Variants in ORC3 observed in about 807,000 individuals in gnomAD.
ORC3 encodes the protein origin recognition complex subunit 3.
In ORC3, 78 loss-of-function variants were observed where a neutral mutation model predicts 100.7. The observed-to-expected ratio is 0.77, with a 90% CI of 0.65 to 0.94. The LOEUF (loss-of-function observed/expected upper bound fraction) is 0.94. Among genes scored for constraint, ORC3 ranks in the 40% least tolerant of loss-of-function variants. The pLI is 0.00. For synonymous variants in ORC3, 295 were observed against 289.3 expected, an observed-to-expected ratio of 1.02 and a Z score of -0.20; for missense variants, 789 against 823.9, an observed-to-expected ratio of 0.96 and a Z score of 0.52.
the ORC3 span, chr6:87,677,758 G>A: frequency 2.2e-5 from 34 of 1,548,346 alleles, no homozygotes; most frequent in East Asian, 2.3e-4. Flanking sequence ...TAAAGTACAC[G>A]TGGAAAATGC....
Position 87,610,804 on chromosome 6 carries a change from C to T in ORC3, c.714-1285C>T, listed in dbSNP as rs569136380. ...TCCTGACCTCATGATCCACCCGCCT[C>T]GGCCTCCCAAAGTGCTGGGATTACA... On this transcript the variant is annotated intron_variant, in intron 7 of 19. Transcript: ENST00000392844. Among the ~76,000 whole-genome samples the T allele has an allele frequency of 2.8e-5, 4 of 141,478 alleles. 1 individual carries two copies. Among genetic ancestry groups the T allele is most frequent in the East Asian group, 2.0e-4 (1 of 5,086 alleles). 92.8% of individuals were successfully genotyped at this position (141,478 alleles called of 152,430 possible). A position where few individuals can be genotyped will look rare whatever the true frequency, so the allele number is the denominator to read the frequency against.
At chr6:87,603,645 A>G (rs1480649130) in intron 4 of ORC3, 117 bp downstream of exon 4, 8 of 534,652 alleles carry the variant, frequency 1.5e-5, no homozygotes, top group Middle Eastern at 3.2e-4. Flanking sequence ...TGTCTCTCTT[A>G]TTTGTACAAT....
At chr6:87,636,635 T>C (rs1241303870) in intron 13 of ORC3, 149 bp downstream of exon 13, 2 of 617,772 alleles carry the variant, frequency 3.2e-6, no homozygotes, top group Non-Finnish European at 5.8e-6. Context: ...AATTTATCCA[T>C]GTAGCTTATG....
intron 14 of ORC3, among the ~76,000 whole-genome samples, chr6:87,654,914 T>G (rs1057276124): frequency 1.2e-4 from 18 of 152,202 alleles, no homozygotes; most frequent in African/African-American, 4.3e-4. Flanking sequence ...GAATGCAGCT[T>G]TTGAAATGGG....
intron 14 of ORC3, among the ~76,000 whole-genome samples, chr6:87,655,576 C>T (rs1769616988): frequency 1.3e-5 from 2 of 151,916 alleles, no homozygotes; most frequent in Admixed American, 1.3e-4. Flanking sequence ...TGGTCTCGAA[C>T]TCTTGGGTTC....
chr6:87,664,485 A>G (rs1242599018), intron 17 of ORC3, among the ~76,000 whole-genome samples: 1 of 152,214 alleles, frequency 6.6e-6, no homozygotes, highest in Non-Finnish European at 1.5e-5. Flanking sequence ...TTAGTAATTT[A>G]TGGATTGAAA....
intron 16 of ORC3, among the ~76,000 whole-genome samples, chr6:87,659,042 A>G (rs944644356): frequency 7.2e-6 from 1 of 138,484 alleles, no homozygotes; most frequent in Non-Finnish European, 1.6e-5. Flanking sequence ...AGAACCTGTT[A>G]TCATTGTTTA....
chr6:87,674,550 A>T, the ORC3 span, among the ~76,000 whole-genome samples: 1 of 150,534 alleles, frequency 6.6e-6, no homozygotes, highest in African/African-American at 2.5e-5. Context: ...GATCCTACTG[A>T]TATCTGAGGT....
At chr6:87,628,219 T>C (rs1780065207) in intron 11 of ORC3, among the ~76,000 whole-genome samples, 1 of 152,222 alleles carries the variant, frequency 6.6e-6, no homozygotes. Context: ...AGCTAATGCA[T>C]GCGGGGCTTA....
At chr6:87,676,343 G>A in the ORC3 span, among the ~76,000 whole-genome samples, 1 of 145,598 alleles carries the variant, frequency 6.9e-6, no homozygotes, top group African/African-American at 2.6e-5. Context: ...CAGGCCGCCT[G>A]TAGTCCCAAC....
Position 87,664,808 on chromosome 6 carries a change from C to A in ORC3, c.1899C>A (p.Tyr633Ter). 6 of 1,614,118 alleles carry A rather than the reference C, an allele frequency of 3.7e-6. No individual in the cohort carries two copies. The highest frequency in any genetic ancestry group is 5.1e-6 in the Non-Finnish European group (6 of 1,179,976). The stretch of plus-strand genomic sequence containing the variant: ...TCGCCCCAGACATCTGCATAGCATA[C>A]AAACTGCACCTAGAGTGTAGCAGGC... ...PNIAPDICIA[Y>*]KLHLECSRLI... Residue 633 changes from tyrosine to a stop codon, truncating the protein, a stop_gained, in exon 18 of 20, where the codon TAC (tyrosine) becomes TAA (stop). Coordinates refer to ENST00000392844, the MANE Select transcript of ORC3 (RefSeq NM_012381.4). LOFTEE classifies it high-confidence loss of function.
At chr6:87,628,145 T>C (rs1780058890) in intron 11 of ORC3, among the ~76,000 whole-genome samples, 1 of 152,194 alleles carries the variant, frequency 6.6e-6, no homozygotes. Flanking sequence ...CACCACATGT[T>C]CTCATTTGTG....
At chr6:87,596,325 G>A (rs1016529060) in intron 2 of ORC3, among the ~76,000 whole-genome samples, 6 of 151,778 alleles carry the variant, frequency 4.0e-5, no homozygotes, top group African/African-American at 1.5e-4. Flanking sequence ...AGTAGAGATC[G>A]GGTTTCACTA....
rs761348781 is a variant in ORC3 at position 87,603,453 on chromosome 6, G to A, written c.247G>A (p.Gly83Arg). The A allele has an allele frequency of 2.5e-5, 39 of 1,532,948 alleles. No homozygotes were observed. The highest frequency in any genetic ancestry group is 1.7e-4 in the Middle Eastern group (1 of 5,724). 95.0% of individuals were successfully genotyped at this position (1,532,948 alleles called of 1,614,324 possible). ...TGAATTTCTGCAAAAATCACATTCT[G>A]GATTCCAGAAGAATTCAAGAGACTT... ...LIEFLQKSHS[G>R]FQKNSRDLGG... is the part of the protein sequence containing the mutation. Residue 83 changes from glycine to arginine, a missense_variant, in exon 4 of 20, where the codon GGA (glycine) becomes AGA (arginine). Physicochemically the swap from Gly to Arg is moderately radical, Grantham distance 125 (BLOSUM62 -2). Transcript: ENST00000392844.
At chr6:87,594,080 G>T (rs1470937713) in intron 1 of ORC3, among the ~76,000 whole-genome samples, 3 of 152,274 alleles carry the variant, frequency 2.0e-5, no homozygotes, top group African/African-American at 7.2e-5. Context: ...TATTTTCTTT[G>T]TCTACCTCTT....
chr6:87,654,752 T>C (rs1345698284), intron 14 of ORC3, among the ~76,000 whole-genome samples: 2 of 152,226 alleles, frequency 1.3e-5, no homozygotes, highest in African/African-American at 2.4e-5. Flanking sequence ...ATGGGACTTA[T>C]GGAGATTGCT....
Position 87,607,818 on chromosome 6 carries a change from C to A in ORC3, c.573C>A (p.Val191=). 6.2e-7 allele frequency: 1 copy of A among 1,605,948 alleles called. No homozygotes were observed. The highest frequency in any genetic ancestry group is 1.1e-5 in the South Asian group (1 of 89,616). The change falls in exon 6 of 20, where the codon GTC becomes GTA. Residue 191 remains valine, a synonymous_variant. Coordinates refer to ENST00000392844, the MANE Select transcript of ORC3 (RefSeq NM_012381.4). ...MDSLSSWYMT[V]TQKTDPKMLS... Reference sequence around the variant, plus strand: ...CACTTTCCAGTTGGTATATGACTGTCACACAGGTAGATATAAACTGATGAT... The same window carrying A: ...CACTTTCCAGTTGGTATATGACTGTAACACAGGTAGATATAAACTGATGAT...
intron 13 of ORC3, chr6:87,650,876 G>A (rs898186123): frequency 2.6e-5 from 7 of 271,508 alleles, no homozygotes; most frequent in Admixed American, 4.2e-5. Context: ...GCATGGTGGT[G>A]CATGCCTGTA....
At chr6:87,600,072 A>G (rs1178554852) in intron 2 of ORC3, among the ~76,000 whole-genome samples, 1 of 152,194 alleles carries the variant, frequency 6.6e-6, no homozygotes, top group Non-Finnish European at 1.5e-5. Context: ...CGATGACTTC[A>G]ATGTATTCCA....
Sources: allele counts gnomAD v4.1 joint callset (sites outside exome capture counted in the v4.1 genomes callset), GRCh38; gene constraint gnomAD v4.1.1; transcripts MANE v1.5; gene names NCBI Gene and HGNC (gene_info 2026-07-23, HGNC 2026-07-21).